Variants in SIPA1L1 observed in about 807,000 individuals in gnomAD.
SIPA1L1 encodes the protein signal-induced proliferation-associated 1-like protein 1.
A neutral mutation model predicts 162.7 loss-of-function variants in SIPA1L1; 26 were observed. The observed-to-expected ratio is 0.16, with a 90% CI of 0.12 to 0.22. The LOEUF is 0.22. SIPA1L1 is among the 10% of genes least tolerant of loss of function. The pLI is 1.00. For synonymous variants in SIPA1L1, 829 were observed against 837.4 expected (o/e 0.99, Z 0.17); for missense variants, 1,874 against 2,241.0 (o/e 0.84, Z 3.31).
rs117911949 is a variant in SIPA1L1, at chr14:71,550,072, C to A, written c.-303+20702C>A. 4.5e-3 allele frequency among the ~76,000 whole-genome samples: 690 copies of A among 152,164 alleles called. 4 individuals carry two copies. Among genetic ancestry groups the A allele is most frequent in the Non-Finnish European group, 7.1e-3 (481 of 68,002 alleles). ...CCAAGACTTGGAAACCACAGCGAGA[C>A]CCTGTATCTACAAAAAATTTTCAAA... is the stretch of plus-strand genomic sequence containing the variant. On this transcript the variant is annotated intron_variant, in intron 4 of 23. Coordinates refer to ENST00000381232, the MANE Select transcript of SIPA1L1 (RefSeq NM_001386936.1).
intron 2 of SIPA1L1, among the ~76,000 whole-genome samples, chr14:71,460,583 A>G (rs1260518533): frequency 6.6e-6 from 1 of 152,140 alleles, no homozygotes; most frequent in South Asian, 2.1e-4. Context: ...GGCAATCTCA[A>G]CTTCCAGTTT....
intron 4 of SIPA1L1, among the ~76,000 whole-genome samples, chr14:71,562,447 G>A (rs897402849): frequency 6.6e-6 from 1 of 151,984 alleles, no homozygotes; most frequent in African/African-American, 2.4e-5. Context: ...TAGTTATATG[G>A]ATTATTAACA....
At chr14:71,404,985 G>C (rs764283841) in intron 2 of SIPA1L1, among the ~76,000 whole-genome samples, 16 of 152,166 alleles carry the variant, frequency 1.1e-4, no homozygotes, top group Non-Finnish European at 2.2e-4. Context: ...ACAATTTTAA[G>C]CTCTAGGCAT....
intron 12 of SIPA1L1, among the ~76,000 whole-genome samples, chr14:71,683,037 C>A (rs1249336308): frequency 6.6e-6 from 1 of 152,136 alleles, no homozygotes; most frequent in Non-Finnish European, 1.5e-5. Flanking sequence ...ACCTGTAGTC[C>A]CAGCTACTCA....
At chr14:71,544,142 T>C (rs116427114) in intron 4 of SIPA1L1, among the ~76,000 whole-genome samples, 2 of 150,400 alleles carry the variant, frequency 1.3e-5, no homozygotes, top group East Asian at 1.9e-4. Context: ...TGTATATACA[T>C]ATATGCACGT....
intron 17 of SIPA1L1, among the ~76,000 whole-genome samples, chr14:71,721,658 C>A (rs1381155167): frequency 6.6e-6 from 1 of 152,172 alleles, no homozygotes; most frequent in Non-Finnish European, 1.5e-5. Context: ...AAGACAAAGC[C>A]CTCTGTAGTC....
At chr14:71,686,673 A>G (rs1346929135) in intron 13 of SIPA1L1, among the ~76,000 whole-genome samples, 1 of 152,036 alleles carries the variant, frequency 6.6e-6, no homozygotes, top group Non-Finnish European at 1.5e-5. Context: ...CCTCCCAAGT[A>G]GCTGGGATTA....
intron 13 of SIPA1L1, 85 bp downstream of exon 13, chr14:71,685,716 T>C: frequency 6.7e-7 from 1 of 1,496,758 alleles, no homozygotes; most frequent in East Asian, 2.3e-5. Flanking sequence ...TTTTAGGCCT[T>C]CTCATATTTT....
chr14:71,489,386 C>T (rs184673289), intron 2 of SIPA1L1, among the ~76,000 whole-genome samples: 72 of 152,148 alleles, frequency 4.7e-4, no homozygotes, highest in African/African-American at 1.6e-3. Flanking sequence ...CCAGGAAATT[C>T]GTGAGAAGAT....
At chr14:71,531,056 G>A (rs535400688) in intron 4 of SIPA1L1, among the ~76,000 whole-genome samples, 7 of 152,236 alleles carry the variant, frequency 4.6e-5, no homozygotes, top group African/African-American at 1.4e-4. Flanking sequence ...CTACTAATAC[G>A]AAGCACTTTT....
In SIPA1L1 at chr14:71,589,430, CT is replaced by C. The variant is rs533791720; in HGVS notation, c.1498+61del. On this transcript the variant is annotated intron_variant, in intron 5 of 23. Transcript: ENST00000381232. Reference sequence around the variant, plus strand: ...TTGCAGTACTTTCTGAAGAAAAGTACTGTATATTAAGATATTTATTAACAAT... The same window carrying C: ...TTGCAGTACTTTCTGAAGAAAAGTACGTATATTAAGATATTTATTAACAAT... The C allele has an allele frequency of 4.1e-4, 416 of 1,016,514 alleles. 7 individuals carry two copies. The South Asian group carries it at 5.7e-3, about 14-fold the overall frequency. The allele number at this position is 1,016,514 out of a possible 1,614,324, so 63.0% of individuals were successfully genotyped here.
At chr14:71,449,288 T>G (rs1307813087) in intron 2 of SIPA1L1, among the ~76,000 whole-genome samples, 1 of 152,220 alleles carries the variant, frequency 6.6e-6, no homozygotes, top group Non-Finnish European at 1.5e-5. Flanking sequence ...CTAGTTATGG[T>G]TTTAGTTCAG....
At chr14:71,652,160 C>T (rs117202978) in intron 8 of SIPA1L1, among the ~76,000 whole-genome samples, 244 of 152,220 alleles carry the variant, frequency 1.6e-3, no homozygotes, top group Non-Finnish European at 2.5e-3. Flanking sequence ...GAAGACAGTA[C>T]GCAAAATCAT....
chr14:71,597,751 A>C (rs564426898), intron 5 of SIPA1L1, among the ~76,000 whole-genome samples: 8 of 152,162 alleles, frequency 5.3e-5, no homozygotes, highest in Admixed American at 4.6e-4. Flanking sequence ...TCTCTTGCCT[A>C]CCTGACAGGC....
At chr14:71,418,056 A>G (rs2042934388) in intron 2 of SIPA1L1, 1 of 152,160 alleles carries the variant, frequency 6.6e-6, no homozygotes, top group Non-Finnish European at 1.5e-5. Context: ...CGTATTTACT[A>G]ATGCTGTTGT....
intron 2 of SIPA1L1, among the ~76,000 whole-genome samples, chr14:71,433,977 T>C (rs1340340870): frequency 1.3e-5 from 2 of 152,250 alleles, no homozygotes; most frequent in Non-Finnish European, 2.9e-5. Flanking sequence ...ACTTAAATCC[T>C]TAGTGAGAAT....
intron 2 of SIPA1L1, among the ~76,000 whole-genome samples, chr14:71,344,786 C>T (rs945237363): frequency 2.0e-5 from 3 of 152,046 alleles, no homozygotes; most frequent in African/African-American, 2.4e-5. Flanking sequence ...GGCTGCTCTC[C>T]AACTGCTGAG....
chr14:71,625,964 T>C (rs1052825009), intron 7 of SIPA1L1, among the ~76,000 whole-genome samples: 1 of 152,218 alleles, frequency 6.6e-6, no homozygotes, highest in Non-Finnish European at 1.5e-5. Flanking sequence ...AAGTGCTGGA[T>C]CACAGACGGT....
At chr14:71,736,872 A>G (rs1356395813) in intron 22 of SIPA1L1, among the ~76,000 whole-genome samples, 2 of 152,208 alleles carry the variant, frequency 1.3e-5, no homozygotes, top group African/African-American at 4.8e-5. Flanking sequence ...AATAGACAGA[A>G]TGCTCCTGAG....
Sources: gnomAD v4.1 joint callset for allele counts (sites outside exome capture counted in the v4.1 genomes callset) on GRCh38, gnomAD v4.1.1 for gene constraint, MANE v1.5 for transcripts, NCBI Gene and HGNC (gene_info 2026-07-23, HGNC 2026-07-21) for gene names.